DLG2: variants seen among roughly 807,000 people sequenced by gnomAD.
DLG2 encodes the protein disks large homolog 2.
DLG2 carries 45 observed loss-of-function variants against 132.5 expected under a neutral mutation model. The observed-to-expected ratio is 0.34, with a 90% CI of 0.27 to 0.44. The LOEUF (loss-of-function observed/expected upper bound fraction) is 0.44, where lower values mean the gene tolerates loss of function less well. Ranked by LOEUF, DLG2 falls within the 20% of genes least tolerant of loss-of-function variation. The probability of loss-of-function intolerance (pLI) is 1.00; values close to 1 mark genes in which losing one functional copy is unlikely to be tolerated. For synonymous variants in DLG2, 424 were observed against 419.6 expected (o/e 1.01, Z -0.13); for missense variants, 1,045 against 1,196.9 (o/e 0.87, Z 1.87).
chr11:85,226,821 C>T (rs1433228918), intron 4 of DLG2, among the ~76,000 whole-genome samples: 1 of 152,102 alleles, frequency 6.6e-6, no homozygotes, highest in Non-Finnish European at 1.5e-5. Flanking sequence ...GTACCCTATC[C>T]CTGCTCTTTT....
chr11:84,784,554 T>A (rs916602760), intron 6 of DLG2, among the ~76,000 whole-genome samples: 1 of 151,934 alleles, frequency 6.6e-6, no homozygotes, highest in Admixed American at 6.6e-5. Flanking sequence ...TCCTAACCAC[T>A]CCCTCAGATT....
At chr11:85,128,296 T>C (rs1224561436) in intron 5 of DLG2, among the ~76,000 whole-genome samples, 1 of 152,158 alleles carries the variant, frequency 6.6e-6, no homozygotes, top group African/African-American at 2.4e-5. Flanking sequence ...CACCCACTAC[T>C]ACTATTTAAG....
At chr11:85,278,773 C>T (rs192086954) in intron 4 of DLG2, among the ~76,000 whole-genome samples, 2 of 152,248 alleles carry the variant, frequency 1.3e-5, no homozygotes, top group African/African-American at 4.8e-5. Context: ...ATCTCTAGTA[C>T]TCTAGTAAAA....
intron 3 of DLG2, among the ~76,000 whole-genome samples, chr11:85,429,442 A>T (rs2091009476): frequency 6.6e-6 from 1 of 152,280 alleles, no homozygotes; most frequent in African/African-American, 2.4e-5. Context: ...ATGGGAGAAA[A>T]TTTTTGCTAT....
intron 6 of DLG2, among the ~76,000 whole-genome samples, chr11:84,761,676 C>G (rs1354949382): frequency 2.0e-5 from 3 of 152,182 alleles, no homozygotes; most frequent in Non-Finnish European, 4.4e-5. Context: ...TTGAACTTAA[C>G]ACCAGTGGTT....
intron 6 of DLG2, among the ~76,000 whole-genome samples, chr11:84,582,252 G>C (rs79625854): frequency 0.051 from 7,681 of 151,198 alleles, 235 homozygotes; most frequent in South Asian, 0.079. Context: ...AAGTTTATCA[G>C]GGACTTGAAT....
intron 6 of DLG2, among the ~76,000 whole-genome samples, chr11:84,894,012 T>C (rs867837056): frequency 1.3e-5 from 2 of 152,238 alleles, no homozygotes; most frequent in African/African-American, 4.8e-5. Context: ...ATGAAGCCAG[T>C]TCTCTGTAAT....
In DLG2 at chr11:84,534,649, A is replaced by G. The variant is rs1256617513; in HGVS notation, c.440T>C (p.Val147Ala). 2.0e-5 allele frequency: 33 copies of G among 1,614,088 alleles called. No homozygotes were observed. Among genetic ancestry groups the G allele is most frequent in the Non-Finnish European group, 2.7e-5 (32 of 1,179,962 alleles). ...AGAGAGGTTCTTTTCTGATACATGC[A>G]CGAGTTCTGGGCCTCTTACTTCGTG... ...LTHEVRGPELVHVSEKNLSQI... is the reference protein window; with the variant it reads ...LTHEVRGPELAHVSEKNLSQI... Residue 147 changes from valine (V) to alanine (A), a missense_variant, in exon 7 of 28, where the codon GTG (valine) becomes GCG (alanine). Physicochemically the swap from Val to Ala is moderately conservative, Grantham distance 64. Transcript: ENST00000376104.
At chr11:85,243,987 G>A (rs752459187) in intron 4 of DLG2, among the ~76,000 whole-genome samples, 22 of 152,054 alleles carry the variant, frequency 1.4e-4, no homozygotes, top group South Asian at 4.1e-4. Flanking sequence ...GAGTTGCTAT[G>A]AAGTTTCAAT....
intron 7 of DLG2, among the ~76,000 whole-genome samples, chr11:84,455,560 T>C (rs2099063117): frequency 6.6e-6 from 1 of 151,190 alleles, no homozygotes; most frequent in South Asian, 2.1e-4. Context: ...TCCCTCTCTT[T>C]GCCCAAATGC....
intron 3 of DLG2, among the ~76,000 whole-genome samples, chr11:85,401,045 T>G (rs2088038545): frequency 6.6e-6 from 1 of 150,716 alleles, no homozygotes. Context: ...AAAAAGAGAA[T>G]TTTAGGCCAA....
At chr11:83,493,938 G>GA in intron 21 of DLG2, among the ~76,000 whole-genome samples, 1 of 152,238 alleles carries the variant, frequency 6.6e-6, no homozygotes, top group Non-Finnish European at 1.5e-5. Flanking sequence ...AATCTAAAGA[G>GA]AATGTGATGT....
At chr11:83,605,123 T>C (rs1267317896) in intron 19 of DLG2, among the ~76,000 whole-genome samples, 3 of 152,108 alleles carry the variant, frequency 2.0e-5, no homozygotes, top group African/African-American at 7.2e-5. Context: ...TTTAACCCTA[T>C]GAGGAGGACA....
intron 15 of DLG2, among the ~76,000 whole-genome samples, chr11:83,919,957 C>G (rs1313898725): frequency 6.6e-6 from 1 of 152,130 alleles, no homozygotes; most frequent in Non-Finnish European, 1.5e-5. Context: ...TCATTTGGGT[C>G]AATTTATTAT....
intron 3 of DLG2, among the ~76,000 whole-genome samples, chr11:85,520,393 C>T (rs561531705): frequency 6.6e-6 from 1 of 151,970 alleles, no homozygotes; most frequent in Non-Finnish European, 1.5e-5. Context: ...TTGGAAGAAT[C>T]AGTATTGTTA....
At chr11:85,374,710 G>A (rs950391586) in intron 3 of DLG2, among the ~76,000 whole-genome samples, 1 of 152,080 alleles carries the variant, frequency 6.6e-6, no homozygotes, top group African/African-American at 2.4e-5. Flanking sequence ...TCAAAACCTA[G>A]AAACCACTCA....
intron 22 of DLG2, among the ~76,000 whole-genome samples, chr11:83,473,857 A>C (rs1056320102): frequency 6.6e-6 from 1 of 152,110 alleles, no homozygotes; most frequent in African/African-American, 2.4e-5. Flanking sequence ...AAGAAGAGTT[A>C]ATATGATCGA....
chr11:84,709,813 T>A (rs2060175452), intron 6 of DLG2, among the ~76,000 whole-genome samples: 1 of 151,936 alleles, frequency 6.6e-6, no homozygotes, highest in Admixed American at 6.6e-5. Context: ...TCAAGAAGTG[T>A]TGGACCATAG....
chr11:83,953,881 C>T (rs950165743), intron 14 of DLG2, among the ~76,000 whole-genome samples: 4 of 152,070 alleles, frequency 2.6e-5, no homozygotes, highest in Non-Finnish European at 5.9e-5. Context: ...TACAGCGGTC[C>T]CTCCAAAATT....
Sources: allele counts gnomAD v4.1 joint callset (sites outside exome capture counted in the v4.1 genomes callset), GRCh38; gene constraint gnomAD v4.1.1; transcripts MANE v1.5; gene names NCBI Gene and HGNC (gene_info 2026-07-23, HGNC 2026-07-21).